Variants in WWOX observed in about 807,000 individuals in gnomAD.
WWOX encodes WW domain containing oxidoreductase.
In WWOX, 69 loss-of-function variants were observed where a neutral mutation model predicts 46.2. The observed-to-expected ratio is 1.49, with a 90% CI of 1.23 to 1.82. The LOEUF is 1.82. WWOX is among the 40% of genes most tolerant of loss of function. WWOX has a pLI of 0.00. For missense variants in WWOX, 919 were observed against 542.6 expected (o/e 1.69, Z -6.89); for synonymous variants, 359 against 202.6 (o/e 1.77, Z -6.56).
At chr16:78,839,834 G>T (rs1037249223) in intron 8 of WWOX, among the ~76,000 whole-genome samples, 1 of 152,174 alleles carries the variant, frequency 6.6e-6, no homozygotes, top group African/African-American at 2.4e-5. Flanking sequence ...ATCGTCTAGA[G>T]ATATTTCTCC....
chr16:78,875,670 C>G (rs567403714), intron 8 of WWOX, among the ~76,000 whole-genome samples: 1 of 152,256 alleles, frequency 6.6e-6, no homozygotes. Context: ...AAGATGGAGG[C>G]AAACCCATAA....
intron 8 of WWOX, among the ~76,000 whole-genome samples, chr16:78,955,015 C>T (rs763694966): frequency 6.6e-6 from 1 of 152,112 alleles, no homozygotes; most frequent in Non-Finnish European, 1.5e-5. Flanking sequence ...ATCTCAAACT[C>T]CTGGCTTCAA....
chr16:78,122,262 G>T (rs1257218698), intron 4 of WWOX, among the ~76,000 whole-genome samples: 1 of 152,186 alleles, frequency 6.6e-6, no homozygotes, highest in African/African-American at 2.4e-5. Context: ...GCTACTGTCA[G>T]TGTGAACCTG....
At chr16:78,880,445 G>GT (rs2044319918) in intron 8 of WWOX, among the ~76,000 whole-genome samples, 1 of 152,214 alleles carries the variant, frequency 6.6e-6, no homozygotes, top group South Asian at 2.1e-4. Context: ...GTATACGAAA[G>GT]TATATAGCTG....
chr16:78,111,326 A>G (rs2032477406), intron 3 of WWOX, among the ~76,000 whole-genome samples: 1 of 152,220 alleles, frequency 6.6e-6, no homozygotes, highest in African/African-American at 2.4e-5. Context: ...ACAATTATCA[A>G]TCATTACTAT....
chr16:78,532,476 A>G lies in WWOX; in HGVS notation c.1056+99724A>G, dbSNP rs150561112. Reference sequence around the variant, plus strand: ...ACATGCTTTGTAATTTTTTTTAAGGATTGATACTAGCTAGGGTGTTGATAA... The same window carrying G: ...ACATGCTTTGTAATTTTTTTTAAGGGTTGATACTAGCTAGGGTGTTGATAA... On this transcript the variant is annotated intron_variant, in intron 8 of 8. Transcript: ENST00000566780. 7.4e-4 allele frequency among the ~76,000 whole-genome samples: 112 copies of G among 152,248 alleles called. 1 individual carries two copies. Among genetic ancestry groups the G allele is most frequent in the African/African-American group, 2.5e-3 (103 of 41,548 alleles).
intron 8 of WWOX, among the ~76,000 whole-genome samples, chr16:78,745,858 T>G (rs2142432745): frequency 7.5e-6 from 1 of 133,230 alleles, no homozygotes; most frequent in Non-Finnish European, 1.7e-5. Flanking sequence ...GATCATCTAG[T>G]TTGGAAAAAG....
intron 8 of WWOX, among the ~76,000 whole-genome samples, chr16:79,089,787 C>G (rs1297986957): frequency 6.6e-6 from 1 of 151,996 alleles, no homozygotes; most frequent in African/African-American, 2.4e-5. Flanking sequence ...GTTTGTTTCC[C>G]TTGGGAGGCT....
intron 8 of WWOX, among the ~76,000 whole-genome samples, chr16:79,083,751 A>G (rs2150586214): frequency 6.6e-6 from 1 of 152,328 alleles, no homozygotes; most frequent in East Asian, 1.9e-4. Flanking sequence ...CTAAGGCACA[A>G]AGGGAGCCGT....
chr16:79,026,013 C>T (rs1161750135), intron 8 of WWOX, among the ~76,000 whole-genome samples: 1 of 151,438 alleles, frequency 6.6e-6, no homozygotes, highest in African/African-American at 2.4e-5. Context: ...GTTGTGCAGG[C>T]TGGTCTCAAA....
chr16:78,339,215 T>C (rs1307504876), intron 5 of WWOX, among the ~76,000 whole-genome samples: 5 of 120,058 alleles, frequency 4.2e-5, no homozygotes, highest in African/African-American at 1.4e-4. Context: ...CTATGCCATG[T>C]AGCATATCAA....
chr16:78,365,384 T>C (rs541817402), intron 5 of WWOX, among the ~76,000 whole-genome samples: 25 of 152,204 alleles, frequency 1.6e-4, no homozygotes, highest in Non-Finnish European at 2.9e-4. Flanking sequence ...TTGAGAAATA[T>C]TTACATCCGT....
At chr16:79,114,850 G>A (rs2049482735) in intron 8 of WWOX, among the ~76,000 whole-genome samples, 1 of 152,204 alleles carries the variant, frequency 6.6e-6, no homozygotes, top group Non-Finnish European at 1.5e-5. Flanking sequence ...CTGGCCTGCT[G>A]CTGCCTTTAA....
intron 8 of WWOX, chr16:79,101,413 A>G (rs1401111743): frequency 6.6e-6 from 1 of 152,198 alleles, no homozygotes; most frequent in Non-Finnish European, 1.5e-5. Context: ...AAATTTACAA[A>G]TAGATGAAAG....
In WWOX at chr16:78,687,294, T is replaced by G. The variant is rs550956896; in HGVS notation, c.1056+254542T>G. ...AACATCTCCATGTCGTAATTCTAAT[T>G]TAAAATCAAAATCTCATCAAATTAC... On this transcript the variant is annotated intron_variant, in intron 8 of 8. Coordinates refer to ENST00000566780, the MANE Select transcript of WWOX (RefSeq NM_016373.4). Among the ~76,000 whole-genome samples the G allele has an allele frequency of 2.0e-5, 3 of 152,324 alleles. No individual in the cohort carries two copies. The East Asian group carries it at 5.8e-4, about 29-fold the overall frequency.
At chr16:78,428,091 A>C (rs2083129633) in intron 7 of WWOX, among the ~76,000 whole-genome samples, 1 of 152,198 alleles carries the variant, frequency 6.6e-6, no homozygotes, top group African/African-American at 2.4e-5. Flanking sequence ...CCAAAAAGCA[A>C]AACCCCCACA....
chr16:78,627,290 G>C (rs549145829), intron 8 of WWOX, among the ~76,000 whole-genome samples: 3 of 152,274 alleles, frequency 2.0e-5, no homozygotes, highest in Admixed American at 1.3e-4. Flanking sequence ...TGGCCAACTA[G>C]TCTGGTCTTA....
rs1307051262 is a variant in WWOX at position 78,980,431 on chromosome 16, T to C, written c.1057-231177T>C. ...TGTAACCAAGTCTACACGATACCAC[T>C]TGAATTGACAACATCACAGTCAAAC... On this transcript the variant is annotated intron_variant, in intron 8 of 8. Transcript: ENST00000566780. Among the ~76,000 whole-genome samples, 7 of 152,372 alleles carry C rather than the reference T, an allele frequency of 4.6e-5. No homozygotes were observed. In the East Asian group the frequency reaches 1.3e-3, roughly 29 times the overall value.
At chr16:78,320,027 A>AT (rs2080434032) in intron 5 of WWOX, among the ~76,000 whole-genome samples, 1 of 152,200 alleles carries the variant, frequency 6.6e-6, no homozygotes, top group Admixed American at 6.5e-5. Context: ...AGCACTTATC[A>AT]TGCTGTATGG....
Sources: gnomAD v4.1 joint callset for allele counts (sites outside exome capture counted in the v4.1 genomes callset) on GRCh38, gnomAD v4.1.1 for gene constraint, MANE v1.5 for transcripts, NCBI Gene and HGNC (gene_info 2026-07-23, HGNC 2026-07-21) for gene names.